Variants in FHIP1A observed in about 807,000 individuals in gnomAD.
FHIP1A encodes FHF complex subunit HOOK-interacting protein 1A.
In FHIP1A, 61 loss-of-function variants were observed where a neutral mutation model predicts 88.6. That is an observed-to-expected ratio of 0.69 (90% CI 0.56 to 0.85). The LOEUF is 0.85. Ranked by LOEUF, FHIP1A falls within the 40% of genes least tolerant of loss-of-function variation. The pLI is 0.00. For missense variants in FHIP1A, 1,154 were observed against 1,273.5 expected (o/e 0.91, Z 1.43); for synonymous variants, 478 against 496.0 (o/e 0.96, Z 0.48).
In FHIP1A at chr4:151,669,994, T is replaced by C. The variant is rs1330256569; in HGVS notation, c.*7240T>C. On this transcript the variant is annotated 3_prime_UTR_variant, in exon 14 of 14. Coordinates refer to ENST00000435205, the MANE Select transcript of FHIP1A (RefSeq NM_001109977.3). Reference sequence around the variant, plus strand: ...AGTTCCTCAGCTGCTTCTGGAGCAGTGTTCACAACGGGAATGTTTTTACTG... The same window carrying C: ...AGTTCCTCAGCTGCTTCTGGAGCAGCGTTCACAACGGGAATGTTTTTACTG... 6.6e-6 allele frequency: 1 copy of C among 152,184 alleles called. No individual in the cohort carries two copies. Among genetic ancestry groups the C allele is most frequent in the East Asian group, 1.9e-4 (1 of 5,198 alleles). The allele number at this position is 152,184 out of a possible 1,614,324, so 9.4% of individuals were successfully genotyped here. A position where few individuals can be genotyped will look rare whatever the true frequency, so the allele number is the denominator to read the frequency against.
chr4:151,557,643 G>C (rs534313772), intron 3 of FHIP1A, among the ~76,000 whole-genome samples: 1 of 152,336 alleles, frequency 6.6e-6, no homozygotes, highest in East Asian at 1.9e-4. Context: ...TCCCCATAGA[G>C]ACAGCTTCTC....
chr4:151,459,557 C>T (rs573462177), intron 2 of FHIP1A, among the ~76,000 whole-genome samples: 4 of 152,258 alleles, frequency 2.6e-5, no homozygotes, highest in African/African-American at 9.6e-5. Context: ...GACTTTGCAG[C>T]GTTTCCATCT....
intron 1 of FHIP1A, among the ~76,000 whole-genome samples, chr4:151,444,885 T>C (rs1378345693): frequency 1.3e-5 from 2 of 152,208 alleles, no homozygotes; most frequent in Admixed American, 6.5e-5. Flanking sequence ...TGATACAAAA[T>C]GTGTGTGGGT....
At chr4:151,598,688 T>A (rs1476899280) in intron 7 of FHIP1A, among the ~76,000 whole-genome samples, 1 of 152,236 alleles carries the variant, frequency 6.6e-6, no homozygotes, top group African/African-American at 2.4e-5. Flanking sequence ...ACAATATTTC[T>A]GCAGCATTTC....
At chr4:151,427,511 C>T (rs573728677) in intron 1 of FHIP1A, among the ~76,000 whole-genome samples, 1 of 152,170 alleles carries the variant, frequency 6.6e-6, no homozygotes, top group Non-Finnish European at 1.5e-5. Context: ...AAGTCAGACA[C>T]AAAAACATGT....
intron 3 of FHIP1A, among the ~76,000 whole-genome samples, chr4:151,483,056 T>G (rs2126636175): frequency 6.6e-6 from 1 of 152,254 alleles, no homozygotes; most frequent in East Asian, 1.9e-4. Flanking sequence ...ACTCATACAC[T>G]GTATTGAAAA....
chr4:151,515,152 A>G (rs1325319337), intron 3 of FHIP1A, among the ~76,000 whole-genome samples: 9 of 152,208 alleles, frequency 5.9e-5, no homozygotes, highest in African/African-American at 2.2e-4. Context: ...GGTTCAATAT[A>G]TGCAAATCAA....
intron 7 of FHIP1A, among the ~76,000 whole-genome samples, chr4:151,606,929 G>A (rs1735096843): frequency 6.6e-6 from 1 of 152,208 alleles, no homozygotes; most frequent in South Asian, 2.1e-4. Context: ...GAAATGAGGT[G>A]GTTCTTCTTA....
intron 1 of FHIP1A, among the ~76,000 whole-genome samples, chr4:151,438,171 C>T (rs968982068): frequency 3.3e-5 from 5 of 152,174 alleles, no homozygotes; most frequent in African/African-American, 1.2e-4. Flanking sequence ...GGCAGCAGAA[C>T]AGCCCTGGAG....
chr4:151,600,561 G>A (rs2126828225), intron 7 of FHIP1A, among the ~76,000 whole-genome samples: 1 of 152,280 alleles, frequency 6.6e-6, no homozygotes, highest in African/African-American at 2.4e-5. Context: ...CAAACTTAGT[G>A]ACTTAAAACA....
intron 3 of FHIP1A, among the ~76,000 whole-genome samples, chr4:151,514,740 G>A (rs12499398): frequency 1.3e-5 from 2 of 151,010 alleles, no homozygotes; most frequent in Admixed American, 1.3e-4. Flanking sequence ...TACATCCTCC[G>A]AAGACTAAAC....
intron 13 of FHIP1A, among the ~76,000 whole-genome samples, chr4:151,659,843 C>A (rs1032238215): frequency 5.9e-5 from 9 of 152,250 alleles, no homozygotes; most frequent in African/African-American, 2.2e-4. Flanking sequence ...TGTGTGGCCG[C>A]TGCTCCAGAG....
chr4:151,623,506 G>A (rs191410472), intron 7 of FHIP1A, among the ~76,000 whole-genome samples: 5 of 139,344 alleles, frequency 3.6e-5, no homozygotes, highest in African/African-American at 8.1e-5. Context: ...CAACACTCCC[G>A]CTGACTTCCT....
At chr4:151,600,381 A>C (rs1219767816) in intron 7 of FHIP1A, among the ~76,000 whole-genome samples, 1 of 152,206 alleles carries the variant, frequency 6.6e-6, no homozygotes, top group African/African-American at 2.4e-5. Context: ...GAAGCAGAGA[A>C]GTCTAGAATA....
chr4:151,541,891 C>T (rs982810871), intron 3 of FHIP1A, among the ~76,000 whole-genome samples: 1 of 152,156 alleles, frequency 6.6e-6, no homozygotes, highest in African/African-American at 2.4e-5. Flanking sequence ...TACGCCTTTT[C>T]GGTCATCAAG....
intron 7 of FHIP1A, among the ~76,000 whole-genome samples, chr4:151,627,019 A>G (rs1735981705): frequency 6.6e-6 from 1 of 152,144 alleles, no homozygotes; most frequent in African/African-American, 2.4e-5. Context: ...ACAGGAAAAG[A>G]TTTTCTGGTA....
In FHIP1A at chr4:151,656,473, T is replaced by A; in HGVS notation, c.2730+63T>A. On this transcript the variant is annotated intron_variant, in intron 12 of 13. Coordinates refer to ENST00000435205, the MANE Select transcript of FHIP1A (RefSeq NM_001109977.3). The surrounding 1 kb of genome is among the most constrained non-coding windows in gnomAD (Gnocchi z 4.2). ...TGTGGGTGCTAATTTGCAGGGCATC[T>A]ATTTCTCTTTATTTTGTTTTTCAAA... 1 of 1,455,870 alleles carries A rather than the reference T, an allele frequency of 6.9e-7. No homozygotes were observed. The highest frequency in any genetic ancestry group is 9.3e-7 in the Non-Finnish European group (1 of 1,074,278). 90.2% of individuals were successfully genotyped at this position (1,455,870 alleles called of 1,614,324 possible).
At chr4:151,515,611 G>C (rs1242140668) in intron 3 of FHIP1A, among the ~76,000 whole-genome samples, 4 of 152,142 alleles carry the variant, frequency 2.6e-5, no homozygotes, top group Non-Finnish European at 5.9e-5. Flanking sequence ...AAAGTCTCAG[G>C]ATACAAAATC....
chr4:151,637,312 T>C (rs1236229066), intron 8 of FHIP1A, among the ~76,000 whole-genome samples: 3 of 152,002 alleles, frequency 2.0e-5, no homozygotes, highest in Non-Finnish European at 4.4e-5. Context: ...AATTGATAAA[T>C]TGGAAATTAT....
Sources: gnomAD v4.1 joint callset for allele counts (sites outside exome capture counted in the v4.1 genomes callset) on GRCh38, gnomAD v4.1.1 for gene constraint, Gnocchi (gnomAD v3.1) non-coding constraint, MANE v1.5 for transcripts, NCBI Gene and HGNC (gene_info 2026-07-23, HGNC 2026-07-21) for gene names.